The following SPATA31D1 variants were observed in gnomAD, a reference collection of about 807,000 sequenced individuals.
SPATA31D1 encodes the protein SPATA31 subfamily D member 1.
A neutral mutation model predicts 13.2 loss-of-function variants in SPATA31D1; 6 were observed. The ratio of observed to expected loss-of-function variants is 0.46; its 90% confidence interval spans 0.25 to 0.90. The LOEUF is 0.90. Ranked by LOEUF, SPATA31D1 falls within the 40% of genes least tolerant of loss-of-function variation. The pLI, the probability that SPATA31D1 is intolerant of heterozygous loss-of-function variation, is 0.18. For synonymous variants in SPATA31D1, 903 were observed against 718.8 expected (o/e 1.26, Z -4.10); for missense variants, 2,445 against 1,884.7 (o/e 1.30, Z -5.50).
Position 81,993,003 on chromosome 9 carries a change from C to T in SPATA31D1, c.2533C>T (p.Arg845Ter), listed in dbSNP as rs1182220134. Reference sequence around the variant, plus strand: ...GAAATTTGAGGAAATCAATGAGGGTCGAATGCCTGGGACTGTGCATAGTTC... The same window carrying T: ...GAAATTTGAGGAAATCAATGAGGGTTGAATGCCTGGGACTGTGCATAGTTC... ...SKKFEEINEG[R>*]MPGTVHSSWH... The change falls in exon 4 of 4, where the codon CGA becomes TGA. Residue 845 changes from arginine to a stop codon, truncating the protein, a stop_gained. Transcript: ENST00000344803. LOFTEE classifies it low-confidence loss of function (END_TRUNC). The T allele has an allele frequency of 1.2e-6, 2 of 1,613,704 alleles. No homozygotes were observed. The highest frequency in any genetic ancestry group is 1.7e-6 in the Non-Finnish European group (2 of 1,179,702).
rs759549394 is a variant in SPATA31D1 at position 81,991,283 on chromosome 9, C to T, written c.813C>T (p.Ile271=). The change falls in exon 4 of 4, where the codon ATC becomes ATT. Residue 271 remains isoleucine (I), a synonymous_variant. Transcript: ENST00000344803. ...AAGCCAGTTTGTCTCTGAACACCAT[C>T]TTTTCATTTGGCTCCACCCTATGCC... ...QPEASLSLNT[I]FSFGSTLCQD... The T allele has an allele frequency of 1.2e-6, 2 of 1,614,044 alleles. No individual in the cohort carries two copies. The highest frequency in any genetic ancestry group is 2.2e-5 in the South Asian group (2 of 91,084).
rs1275542393 is a variant in SPATA31D1 at position 81,993,404 on chromosome 9, C to G, written c.2934C>G (p.Ser978Arg). The change falls in exon 4 of 4, where the codon AGC (serine) becomes AGG (arginine). Residue 978 changes from serine to arginine, a missense_variant. By Grantham distance (110) the Ser-to-Arg change is moderately radical. Coordinates refer to ENST00000344803, the MANE Select transcript of SPATA31D1 (RefSeq NM_001001670.3). The stretch of plus-strand genomic sequence containing the variant: ...AAGGAGAAAAGTTGGGAACAACAAG[C>G]TCAGTCCCCATCCTTGATCGTCCTC... The part of the protein sequence containing the change: ...TFQGEKLGTT[S>R]SVPILDRPHP... The G allele has an allele frequency of 5.0e-6, 8 of 1,613,878 alleles. No individual in the cohort carries two copies. In the Admixed American group the frequency reaches 6.7e-5, roughly 13 times the overall value.
At chr9:81,989,462 T>A (rs557471042) in intron 1 of SPATA31D1, among the ~76,000 whole-genome samples, 180 of 152,318 alleles carry the variant, frequency 1.2e-3, no homozygotes, top group African/African-American at 4.1e-3. Context: ...GCTATAGGCC[T>A]GTCTCCGTGA....
At chr9:81,988,360 G>A (rs1824889857), upstream of SPATA31D1, among the ~76,000 whole-genome samples, 1 of 152,184 alleles carries the variant, frequency 6.6e-6, no homozygotes, top group Non-Finnish European at 1.5e-5. Context: ...TTTATGTAAG[G>A]CAGAAACGTT....
At position 81,990,837 on chromosome 9, in the gene SPATA31D1, C is replaced by A. The variant is rs756845211; in HGVS notation, c.367C>A (p.Leu123Met). Reference sequence around the variant, plus strand: ...TCATGATACCAACCACTTTCGTCGACTGTTATGCCCAGACCCCGTCTGTCG... The same window carrying A: ...TCATGATACCAACCACTTTCGTCGAATGTTATGCCCAGACCCCGTCTGTCG... The part of the protein sequence containing the change: ...QHHDTNHFRR[L>M]LCPDPVCRVC... Residue 123 changes from leucine (L) to methionine (M), a missense_variant, in exon 4 of 4, where the codon CTG (leucine) becomes ATG (methionine). By Grantham distance (15) the Leu-to-Met change is conservative (BLOSUM62 2). Coordinates refer to ENST00000344803, the MANE Select transcript of SPATA31D1 (RefSeq NM_001001670.3). The A allele has an allele frequency of 3.7e-6, 6 of 1,613,966 alleles. No individual in the cohort carries two copies. Among genetic ancestry groups the A allele is most frequent in the Non-Finnish European group, 5.1e-6 (6 of 1,179,880 alleles).
In SPATA31D1 at chr9:81,992,996, T is replaced by C. The variant is rs913772836; in HGVS notation, c.2526T>C (p.Asn842=). The C allele has an allele frequency of 4.3e-6, 7 of 1,613,744 alleles. No individual in the cohort carries two copies. Among genetic ancestry groups the C allele is most frequent in the Non-Finnish European group, 5.9e-6 (7 of 1,179,704 alleles). ...TGAGCAAGAAATTTGAGGAAATCAA[T>C]GAGGGTCGAATGCCTGGGACTGTGC... is the stretch of plus-strand genomic sequence containing the variant. ...VRLSKKFEEI[N]EGRMPGTVHS... is the part of the protein sequence containing the mutation. The change falls in exon 4 of 4, where the codon AAT becomes AAC. Residue 842 remains asparagine (N), a synonymous_variant. Transcript: ENST00000344803.
Position 81,993,656 on chromosome 9 carries a change from G to GA in SPATA31D1, c.3187dup (p.Thr1063AsnfsTer8). On this transcript the variant is annotated frameshift_variant, in exon 4 of 4. Coordinates refer to ENST00000344803, the MANE Select transcript of SPATA31D1 (RefSeq NM_001001670.3). LOFTEE classifies it low-confidence loss of function (END_TRUNC). ...CACCTGTCAACCAAGAAAAGCAGGG[G>GA]ACCCTGAGAAGAGAATTCTCTGATA... 6.2e-7 allele frequency: 1 copy of GA among 1,613,982 alleles called. No individual in the cohort carries two copies. Among genetic ancestry groups the GA allele is most frequent in the East Asian group, 2.2e-5 (1 of 44,878 alleles).
Position 81,992,986 on chromosome 9 carries a change from A to G in SPATA31D1, c.2516A>G (p.Glu839Gly). The G allele has an allele frequency of 6.2e-7, 1 of 1,613,812 alleles. No individual in the cohort carries two copies. Among genetic ancestry groups the G allele is most frequent in the Non-Finnish European group, 8.5e-7 (1 of 1,179,734 alleles). The change falls in exon 4 of 4, where the codon GAG becomes GGG. Residue 839 changes from glutamate to glycine, a missense_variant. Glu to Gly is a moderately conservative substitution (Grantham distance 98, BLOSUM62 -2). Coordinates refer to ENST00000344803, the MANE Select transcript of SPATA31D1 (RefSeq NM_001001670.3). Reference protein sequence around the residue: ...ALTVRLSKKFEEINEGRMPGT... With the variant: ...ALTVRLSKKFGEINEGRMPGT... ...ACAGTACGTTTGAGCAAGAAATTTG[A>G]GGAAATCAATGAGGGTCGAATGCCT...
rs764484957 is a variant in SPATA31D1, at chr9:81,994,612, T to G, written c.4142T>G (p.Leu1381Arg). ...QESSWEKGSS[L>R]SSCVQNIGRV... ...AGTTCCTGGGAAAAGGGTAGCTCCCTGTCATCATGTGTGCAGAATATTGGT... is the reference window on the plus strand; with the variant it reads ...AGTTCCTGGGAAAAGGGTAGCTCCCGGTCATCATGTGTGCAGAATATTGGT... The change falls in exon 4 of 4, where the codon CTG (leucine) becomes CGG (arginine). Residue 1381 changes from leucine to arginine, a missense_variant. By Grantham distance (102) the Leu-to-Arg change is moderately radical. Coordinates refer to ENST00000344803, the MANE Select transcript of SPATA31D1 (RefSeq NM_001001670.3). 1 of 1,613,050 alleles carries G rather than the reference T, an allele frequency of 6.2e-7. No individual in the cohort carries two copies. Among genetic ancestry groups the G allele is most frequent in the South Asian group, 1.1e-5 (1 of 90,852 alleles).
chr9:81,991,946 T>C lies in SPATA31D1; in HGVS notation c.1476T>C (p.Phe492=), dbSNP rs1824974951. The C allele has an allele frequency of 1.9e-6, 3 of 1,613,706 alleles. No individual in the cohort carries two copies. The highest frequency in any genetic ancestry group is 2.5e-6 in the Non-Finnish European group (3 of 1,179,732). Residue 492 remains phenylalanine, a synonymous_variant, in exon 4 of 4, where the codon TTT becomes TTC. Transcript: ENST00000344803. ...IHQQPPHSKC[F]EDHLEQKYVQ... is the part of the protein sequence containing the mutation. ...AGCAGCCTCCACACTCTAAATGCTT[T>C]GAAGACCATTTAGAGCAAAAATATG...
In SPATA31D1 at chr9:81,994,498, A is replaced by G; in HGVS notation, c.4028A>G (p.Gln1343Arg). 6.2e-7 allele frequency: 1 copy of G among 1,613,518 alleles called. No individual in the cohort carries two copies. The highest frequency in any genetic ancestry group is 8.5e-7 in the Non-Finnish European group (1 of 1,179,668). ...GSKSSPTLKT[Q>R]PPPENLFRKW... is the part of the protein sequence containing the mutation. ...AAATCTTCCCCAACCTTGAAAACAC[A>G]GCCTCCTCCTGAAAACCTTTTCAGA... is the stretch of plus-strand genomic sequence containing the variant. Residue 1343 changes from glutamine to arginine, a missense_variant, in exon 4 of 4, where the codon CAG (glutamine) becomes CGG (arginine). Transcript: ENST00000344803.
rs770457893 is a variant in SPATA31D1 at position 81,991,000 on chromosome 9, C to T, written c.530C>T (p.Ser177Leu). The change falls in exon 4 of 4, where the codon TCA (serine) becomes TTA (leucine). Residue 177 changes from serine (S) to leucine (L), a missense_variant. Physicochemically the swap from Ser to Leu is moderately radical, Grantham distance 145. Transcript: ENST00000344803. The part of the protein sequence containing the change: ...ESSFTLASTP[S>L]ATPPEDLILS... ...TCGTTCACTCTGGCTTCCACCCCCT[C>T]AGCAACCCCTCCAGAAGACCTAATA... 52 of 1,613,660 alleles carry T rather than the reference C, an allele frequency of 3.2e-5. No homozygotes were observed. The highest frequency in any genetic ancestry group is 8.3e-5 in the Admixed American group (5 of 59,996).
At position 81,993,779 on chromosome 9, in the gene SPATA31D1, A is replaced by G; in HGVS notation, c.3309A>G (p.Lys1103=). The change falls in exon 4 of 4, where the codon AAA becomes AAG. Residue 1103 remains lysine (K), a synonymous_variant. Coordinates refer to ENST00000344803, the MANE Select transcript of SPATA31D1 (RefSeq NM_001001670.3). ...GCATCGTAGACGAAGTCAGTCAGAAACAGACTGTACTGGCCAGTAGATGCA... is the reference window on the plus strand; with the variant it reads ...GCATCGTAGACGAAGTCAGTCAGAAGCAGACTGTACTGGCCAGTAGATGCA... The part of the protein sequence containing the change: ...PHSIVDEVSQ[K]QTVLASRCSA... 6.2e-7 allele frequency: 1 copy of G among 1,614,036 alleles called. No individual in the cohort carries two copies. Among genetic ancestry groups the G allele is most frequent in the Non-Finnish European group, 8.5e-7 (1 of 1,179,898 alleles).
chr9:81,989,070 AT>A, intron 1 of SPATA31D1, 66 bp downstream of exon 1: 1 of 1,575,878 alleles, frequency 6.3e-7, no homozygotes, highest in East Asian at 2.2e-5. Flanking sequence ...CTATTCCAAC[AT>A]TTCTAAATAA....
rs1164642419 is a variant in SPATA31D1, at chr9:81,992,375, T to C, written c.1905T>C (p.Ser635=). The change falls in exon 4 of 4, where the codon AGT becomes AGC. Residue 635 remains serine, a synonymous_variant. Coordinates refer to ENST00000344803, the MANE Select transcript of SPATA31D1 (RefSeq NM_001001670.3). ...EWNVLQKVQE[S]LWGLPSVVQK... ...ACGTGTTGCAGAAAGTGCAGGAAAG[T>C]TTGTGGGGCTTACCCTCTGTGGTTC... 13 of 1,613,736 alleles carry C rather than the reference T, an allele frequency of 8.1e-6. No homozygotes were observed. Among genetic ancestry groups the C allele is most frequent in the Non-Finnish European group, 1.0e-5 (12 of 1,179,720 alleles).
In SPATA31D1 at chr9:81,993,430, A is replaced by G. The variant is rs1422661295; in HGVS notation, c.2960A>G (p.His987Arg). 1 of 1,613,848 alleles carries G rather than the reference A, an allele frequency of 6.2e-7. No homozygotes were observed. Among genetic ancestry groups the G allele is most frequent in the Admixed American group, 1.7e-5 (1 of 60,014 alleles). The change falls in exon 4 of 4, where the codon CAC (histidine) becomes CGC (arginine). Residue 987 changes from histidine to arginine, a missense_variant. Coordinates refer to ENST00000344803, the MANE Select transcript of SPATA31D1 (RefSeq NM_001001670.3). ...TCAGTCCCCATCCTTGATCGTCCTC[A>G]CCCTGTCTCCTCACCTGTCGTCCAA... ...TSSVPILDRP[H>R]PVSSPVVQEG... is the part of the protein sequence containing the mutation.
At position 81,992,797 on chromosome 9, in the gene SPATA31D1, G is replaced by A. The variant is rs1825003203; in HGVS notation, c.2327G>A (p.Ser776Asn). The part of the protein sequence containing the change: ...MENVGNYQGY[S>N]QETVPKDHLL... ...AATGTGGGGAATTATCAGGGATACA[G>A]CCAGGAGACTGTCCCAAAAGATCAC... Residue 776 changes from serine (S) to asparagine (N), a missense_variant, in exon 4 of 4, where the codon AGC (serine) becomes AAC (asparagine). Transcript: ENST00000344803. The A allele has an allele frequency of 1.2e-6, 2 of 1,613,826 alleles. No homozygotes were observed. The highest frequency in any genetic ancestry group is 2.2e-5 in the East Asian group (1 of 44,880).
At chr9:81,990,387 T>C (rs368451118) in intron 2 of SPATA31D1, 30 bp from the exon 3 acceptor site, 84 of 1,549,888 alleles carry the variant, frequency 5.4e-5, no homozygotes, top group Non-Finnish European at 7.3e-5. Flanking sequence ...CGTGTGCCTC[T>C]ATCTTCATTG....
chr9:81,993,411 C>T lies in SPATA31D1; in HGVS notation c.2941C>T (p.Pro981Ser). ...GEKLGTTSSV[P>S]ILDRPHPVSS... is the part of the protein sequence containing the mutation. Reference sequence around the variant, plus strand: ...AAAGTTGGGAACAACAAGCTCAGTCCCCATCCTTGATCGTCCTCACCCTGT... The same window carrying T: ...AAAGTTGGGAACAACAAGCTCAGTCTCCATCCTTGATCGTCCTCACCCTGT... The change falls in exon 4 of 4, where the codon CCC (proline) becomes TCC (serine). Residue 981 changes from proline (P) to serine (S), a missense_variant. Pro to Ser is a moderately conservative substitution (Grantham distance 74). Coordinates refer to ENST00000344803, the MANE Select transcript of SPATA31D1 (RefSeq NM_001001670.3). 3.7e-6 allele frequency: 6 copies of T among 1,613,904 alleles called. No homozygotes were observed. The highest frequency in any genetic ancestry group is 5.1e-6 in the Non-Finnish European group (6 of 1,179,884).
Sources: gnomAD v4.1 joint callset for allele counts (sites outside exome capture counted in the v4.1 genomes callset) on GRCh38, gnomAD v4.1.1 for gene constraint, MANE v1.5 for transcripts, NCBI Gene and HGNC (gene_info 2026-07-23, HGNC 2026-07-21) for gene names.